Variants in MYRIP observed in about 807,000 individuals in gnomAD.
The protein encoded by MYRIP is rab effector MyRIP.
MYRIP carries 49 observed loss-of-function variants against 98.0 expected under a neutral mutation model. That is an observed-to-expected ratio of 0.50 (90% confidence interval 0.40 to 0.63). The LOEUF (loss-of-function observed/expected upper bound fraction) is 0.63, where lower values mean the gene tolerates loss of function less well. Among genes scored for constraint, MYRIP ranks in the 30% least tolerant of loss-of-function variants. MYRIP has a pLI of 0.00. For synonymous variants in MYRIP, 404 were observed against 409.5 expected (o/e 0.99, Z 0.16); for missense variants, 1,004 against 1,058.2 (o/e 0.95, Z 0.71).
intron 2 of MYRIP, among the ~76,000 whole-genome samples, chr3:40,037,296 A>G (rs553715741): frequency 6.2e-4 from 95 of 152,214 alleles, no homozygotes; most frequent in African/African-American, 2.2e-3. Context: ...TTACACTGTC[A>G]GGGTAAAATT....
intron 2 of MYRIP, among the ~76,000 whole-genome samples, chr3:39,902,534 C>A (rs994223830): frequency 6.6e-6 from 1 of 152,188 alleles, no homozygotes; most frequent in Non-Finnish European, 1.5e-5. Context: ...GCCTGGCACA[C>A]CGTGGGTGTG....
intron 3 of MYRIP, among the ~76,000 whole-genome samples, chr3:40,085,439 C>T (rs1041766782): frequency 2.6e-5 from 4 of 152,026 alleles, no homozygotes; most frequent in East Asian, 1.9e-4. Context: ...CACCCACCAC[C>T]GTGCCCAGCT....
chr3:39,835,117 T>C (rs970594060), intron 1 of MYRIP, among the ~76,000 whole-genome samples: 1 of 152,106 alleles, frequency 6.6e-6, no homozygotes, highest in Admixed American at 6.6e-5. Context: ...AAATAAAATA[T>C]GCTTTTTATT....
At chr3:39,875,261 A>G (rs565872151) in intron 1 of MYRIP, among the ~76,000 whole-genome samples, 5 of 152,038 alleles carry the variant, frequency 3.3e-5, no homozygotes, top group African/African-American at 1.2e-4. Flanking sequence ...CTAGTGGTCT[A>G]TCAATTTTGT....
intron 3 of MYRIP, among the ~76,000 whole-genome samples, chr3:40,103,776 A>T (rs1234782649): frequency 3.3e-5 from 5 of 152,232 alleles, no homozygotes; most frequent in African/African-American, 1.2e-4. Flanking sequence ...AGAGAAAAAA[A>T]AACTCTGGCT....
intron 3 of MYRIP, among the ~76,000 whole-genome samples, chr3:40,049,628 T>C (rs1947746502): frequency 6.6e-6 from 1 of 150,798 alleles, no homozygotes. Context: ...GGCCTCTAAG[T>C]GTTCAAAAAA....
chr3:40,238,714 A>C (rs1014089148), intron 12 of MYRIP: 1 of 152,174 alleles, frequency 6.6e-6, no homozygotes, highest in African/African-American at 2.4e-5. Context: ...TTACTGTGGC[A>C]TCTCTTTCCT....
intron 1 of MYRIP, among the ~76,000 whole-genome samples, chr3:39,888,847 C>A (rs1396067818): frequency 6.6e-6 from 1 of 152,098 alleles, no homozygotes; most frequent in East Asian, 1.9e-4. Flanking sequence ...AAACAAACAA[C>A]CCCATCAAAA....
intron 2 of MYRIP, among the ~76,000 whole-genome samples, chr3:40,038,502 T>C (rs1338525829): frequency 1.3e-5 from 2 of 151,948 alleles, no homozygotes; most frequent in African/African-American, 4.8e-5. Context: ...TAAGTAAACC[T>C]CTGAACTTAC....
intron 10 of MYRIP, among the ~76,000 whole-genome samples, chr3:40,200,899 T>C (rs1714415): frequency 0.95 from 144,065 of 152,296 alleles, 68,305 homozygotes; most frequent in Middle Eastern, 0.98. Context: ...CCATGGATCC[T>C]ATAACTTAGT....
chr3:40,093,588 G>A (rs550140532), intron 3 of MYRIP, among the ~76,000 whole-genome samples: 1 of 152,332 alleles, frequency 6.6e-6, no homozygotes, highest in African/African-American at 2.4e-5. Flanking sequence ...TACCCCGTGA[G>A]GGGATCCTGG....
intron 3 of MYRIP, among the ~76,000 whole-genome samples, chr3:40,127,657 TG>T (rs1225352582): frequency 6.6e-6 from 1 of 152,080 alleles, no homozygotes; most frequent in African/African-American, 2.4e-5. Context: ...CGGTTGGGGG[TG>T]GGGGGCACTG....
At chr3:40,005,450 T>G (rs145425847) in intron 2 of MYRIP, among the ~76,000 whole-genome samples, 1 of 152,278 alleles carries the variant, frequency 6.6e-6, no homozygotes, top group Non-Finnish European at 1.5e-5. Context: ...TCTGGCTTTA[T>G]TGGCCATTAT....
rs143992737 is a variant in MYRIP, at chr3:40,176,908, CA to C, written c.874-5295del. 6.7e-3 allele frequency among the ~76,000 whole-genome samples: 727 copies of C among 109,134 alleles called. 4 individuals are homozygous for C. Among genetic ancestry groups the C allele is most frequent in the African/African-American group, 0.027 (684 of 25,388 alleles). The allele number at this position is 109,134 out of a possible 152,430, so 71.6% of individuals were successfully genotyped here. ...TGGGCAACAAGAGCAAACTCCATCT[CA>C]AAAAAAAAAAAAAAAAGAAAAGAAA... is the stretch of plus-strand genomic sequence containing the variant. On this transcript the variant is annotated intron_variant, in intron 8 of 16. Coordinates refer to ENST00000302541, the MANE Select transcript of MYRIP (RefSeq NM_015460.4).
At chr3:40,035,992 CA>C (rs572985505) in intron 2 of MYRIP, among the ~76,000 whole-genome samples, 46 of 151,696 alleles carry the variant, frequency 3.0e-4, no homozygotes, top group African/African-American at 1.0e-3. Flanking sequence ...AGAGATGAAA[CA>C]AAGAGATTAG....
intron 13 of MYRIP, among the ~76,000 whole-genome samples, chr3:40,246,472 A>G (rs1953209560): frequency 6.6e-6 from 1 of 152,212 alleles, no homozygotes; most frequent in African/African-American, 2.4e-5. Flanking sequence ...AGAAGAGAGG[A>G]AGCAGTCAAA....
chr3:40,257,446 CAG>C (rs1953633583), intron 16 of MYRIP, among the ~76,000 whole-genome samples: 1 of 152,168 alleles, frequency 6.6e-6, no homozygotes, highest in Non-Finnish European at 1.5e-5. Context: ...AGTGAAAAAT[CAG>C]ACCTTGGTGA....
Position 39,877,412 on chromosome 3 carries a change from G to A in MYRIP, c.-30-23375G>A, listed in dbSNP as rs925136875. Reference sequence around the variant, plus strand: ...AACTGCGTTCCTTTGGAGGAGGAGAGGCGCTCTGCTTTTTAGAGTTTCCAG... The same window carrying A: ...AACTGCGTTCCTTTGGAGGAGGAGAAGCGCTCTGCTTTTTAGAGTTTCCAG... On this transcript the variant is annotated intron_variant, in intron 1 of 16. Transcript: ENST00000302541. 9.9e-5 allele frequency among the ~76,000 whole-genome samples: 15 copies of A among 152,162 alleles called. 1 individual carries two copies. Among genetic ancestry groups the A allele is most frequent in the African/African-American group, 3.1e-4 (13 of 41,480 alleles).
At chr3:40,232,557 T>C (rs1007178277) in intron 11 of MYRIP, among the ~76,000 whole-genome samples, 4 of 152,238 alleles carry the variant, frequency 2.6e-5, no homozygotes, top group African/African-American at 9.6e-5. Flanking sequence ...TACCAAACAT[T>C]TTACTGGTCA....
Sources: gnomAD v4.1 joint callset for allele counts (sites outside exome capture counted in the v4.1 genomes callset) on GRCh38, gnomAD v4.1.1 for gene constraint, MANE v1.5 for transcripts, NCBI Gene and HGNC (gene_info 2026-07-23, HGNC 2026-07-21) for gene names.